MACF1: variants seen among roughly 807,000 people sequenced by gnomAD.
MACF1 encodes microtubule-actin cross-linking factor 1.
Under a neutral mutation model 854.8 loss-of-function variants are expected in MACF1, and 193 were observed. The ratio of observed to expected loss-of-function variants is 0.23; its 90% CI spans 0.20 to 0.25. The LOEUF is 0.25. Ranked by LOEUF, MACF1 falls within the 10% of genes least tolerant of loss-of-function variation. The pLI is 1.00. For missense variants in MACF1, 7,722 were observed against 8,929.1 expected, an observed-to-expected ratio of 0.86 and a Z score of 5.45; for synonymous variants, 3,185 against 3,226.7, an observed-to-expected ratio of 0.99 and a Z score of 0.44.
chr1:39,448,537 CA>C (rs1644273332), intron 83 of MACF1, 56 bp from the exon 84 acceptor site: 2 of 1,375,804 alleles, frequency 1.5e-6, no homozygotes, highest in Non-Finnish European at 1.9e-6. Flanking sequence ...TCTTTTGTTC[CA>C]AATCAAGATG....
At chr1:39,453,573 T>C (rs1644379732) in intron 87 of MACF1, 134 bp from the exon 88 acceptor site, 9 of 718,022 alleles carry the variant, frequency 1.3e-5, no homozygotes, top group Admixed American at 2.7e-5. Context: ...TAAATAACTA[T>C]ACAGGCTTTT....
rs560564182 is a variant in MACF1 at position 39,322,780 on chromosome 1, C to T, written c.4137+65C>T. 2.0e-5 allele frequency: 32 copies of T among 1,566,254 alleles called. No homozygotes were observed. In the African/African-American group the frequency reaches 4.1e-4, roughly 20 times the overall value. On this transcript the variant is annotated intron_variant, in intron 32 of 100. Coordinates refer to ENST00000564288, the MANE Select transcript of MACF1 (RefSeq NM_001394062.1). ...TTAAGGAAAGATTCATTTGCCTGGGCCTTACATTTTGATTTAGGGCTCACT... is the reference window on the plus strand; with the variant it reads ...TTAAGGAAAGATTCATTTGCCTGGGTCTTACATTTTGATTTAGGGCTCACT...
chr1:39,121,534 C>T (rs934447125), intron 2 of MACF1, among the ~76,000 whole-genome samples: 3 of 152,202 alleles, frequency 2.0e-5, no homozygotes, highest in Admixed American at 6.5e-5. Flanking sequence ...ACTACAACTT[C>T]GCCTCCCGGG....
At position 39,448,044 on chromosome 1, in the gene MACF1, T is replaced by G. The variant is rs772642702; in HGVS notation, c.19980T>G (p.Ala6660=). The part of the protein sequence containing the change: ...ARKRAKQFHE[A]WKKLIDWLED... ...TTATGTAATTTTAGTTCCATGAAGC[T>G]TGGAAAAAACTGATTGACTGGCTAG... Residue 6660 remains alanine (A), a synonymous_variant, in exon 83 of 101, where the codon GCT becomes GCG. Coordinates refer to ENST00000564288, the MANE Select transcript of MACF1 (RefSeq NM_001394062.1). 6.2e-6 allele frequency: 10 copies of G among 1,614,114 alleles called. No homozygotes were observed. The South Asian group carries it at 1.1e-4, about 18-fold the overall frequency.
At chr1:39,363,155 A>G (rs1648354321) in intron 49 of MACF1, among the ~76,000 whole-genome samples, 1 of 152,128 alleles carries the variant, frequency 6.6e-6, no homozygotes, top group Non-Finnish European at 1.5e-5. Context: ...TTCTTATATA[A>G]TTAGATTTGT....
intron 85 of MACF1, among the ~76,000 whole-genome samples, chr1:39,451,714 C>T (rs942945046): frequency 6.6e-6 from 1 of 152,116 alleles, no homozygotes; most frequent in African/African-American, 2.4e-5. Context: ...ATGTGCACAG[C>T]AGATGTTTTT....
chr1:39,271,930 G>A (rs1347909499), intron 6 of MACF1, among the ~76,000 whole-genome samples: 1 of 152,210 alleles, frequency 6.6e-6, no homozygotes, highest in African/African-American at 2.4e-5. Flanking sequence ...ATGATCTGTA[G>A]TGTGACCATA....
intron 49 of MACF1, among the ~76,000 whole-genome samples, chr1:39,364,834 A>G (rs1191263588): frequency 6.6e-6 from 1 of 152,070 alleles, no homozygotes; most frequent in Non-Finnish European, 1.5e-5. Context: ...TTTTATGAGT[A>G]TTTTATTAAA....
Position 39,283,567 on chromosome 1 carries a change from A to G in MACF1, c.915+52A>G. 1 of 1,303,624 alleles carries G rather than the reference A, an allele frequency of 7.7e-7. No homozygotes were observed. The highest frequency in any genetic ancestry group is 1.1e-6 in the Non-Finnish European group (1 of 899,094). 80.8% of individuals were successfully genotyped at this position (1,303,624 alleles called of 1,614,324 possible). On this transcript the variant is annotated intron_variant, in intron 9 of 100. Transcript: ENST00000564288. This position sits in a 1 kb window ranked among gnomAD's most constrained non-coding sequence, Gnocchi z 4.5. The stretch of plus-strand genomic sequence containing the variant: ...TTCTGACTTTGATTCATTTGGGTGA[A>G]ATGCATTGGTTAGACACTTTCTTAA...
In MACF1 at chr1:39,331,313, G is replaced by A. The variant is rs781088890; in HGVS notation, c.4725G>A (p.Leu1575=). The part of the protein sequence containing the change: ...LLDQDTGLVL[L]ESQVIMSGLI... ...ACCAAGACACAGGCCTAGTGCTTCT[G>A]GAATCTCAGGTTATCATGTCTGGCC... The change falls in exon 37 of 101, where the codon CTG becomes CTA. Residue 1575 remains leucine (L), a synonymous_variant. Coordinates refer to ENST00000564288, the MANE Select transcript of MACF1 (RefSeq NM_001394062.1). 2.5e-6 allele frequency: 4 copies of A among 1,613,562 alleles called. No homozygotes were observed. The highest frequency in any genetic ancestry group is 3.4e-6 in the Non-Finnish European group (4 of 1,179,972).
rs773056636 is a variant in MACF1 at position 39,334,588 on chromosome 1, C to G, written c.8000C>G (p.Ser2667Cys). 3.1e-6 allele frequency: 5 copies of G among 1,614,082 alleles called. No individual in the cohort carries two copies. The highest frequency in any genetic ancestry group is 4.2e-6 in the Non-Finnish European group (5 of 1,180,008). Residue 2667 changes from serine to cysteine, a missense_variant, in exon 37 of 101, where the codon TCT (serine) becomes TGT (cysteine). Coordinates refer to ENST00000564288, the MANE Select transcript of MACF1 (RefSeq NM_001394062.1). Reference sequence around the variant, plus strand: ...GTGAGCGACAAAGTGCTTACATTGTCTCAAGCAATTCAGCTTGGAAAAGTA... The same window carrying G: ...GTGAGCGACAAAGTGCTTACATTGTGTCAAGCAATTCAGCTTGGAAAAGTA... ...DGVSDKVLTL[S>C]QAIQLGKVDF... is the part of the protein sequence containing the mutation.
chr1:39,250,142 C>T, intron 3 of MACF1, 39 bp downstream of exon 3: 1 of 1,376,394 alleles, frequency 7.3e-7, no homozygotes, highest in Non-Finnish European at 1.0e-6. Context: ...AATTGTGGCC[C>T]TACAAATGAC....
intron 2 of MACF1, among the ~76,000 whole-genome samples, chr1:39,141,565 T>G (rs1643346456): frequency 6.6e-6 from 1 of 152,232 alleles, no homozygotes; most frequent in Non-Finnish European, 1.5e-5. Flanking sequence ...TATCATAGGA[T>G]TCTGACGGAG....
chr1:39,150,680 A>G (rs768431324), intron 2 of MACF1, among the ~76,000 whole-genome samples: 34 of 152,186 alleles, frequency 2.2e-4, no homozygotes, highest in Non-Finnish European at 4.4e-4. Flanking sequence ...TGTCAAGGTC[A>G]CCAGTCACCT....
At chr1:39,383,353 G>A (rs56960235) in intron 56 of MACF1, among the ~76,000 whole-genome samples, 3,188 of 152,004 alleles carry the variant, frequency 0.021, 117 homozygotes, top group African/African-American at 0.073. Flanking sequence ...TTTCTAATCC[G>A]GGATTTTCAA....
At chr1:39,455,706 G>A (rs903261765) in intron 89 of MACF1, among the ~76,000 whole-genome samples, 1 of 152,112 alleles carries the variant, frequency 6.6e-6, no homozygotes, top group African/African-American at 2.4e-5. Context: ...ATTTGAGCCA[G>A]GGTCCCACTG....
At chr1:39,273,453 C>T (rs1401055147) in intron 6 of MACF1, among the ~76,000 whole-genome samples, 1 of 152,096 alleles carries the variant, frequency 6.6e-6, no homozygotes, top group Admixed American at 6.5e-5. Flanking sequence ...GTATCCCTCT[C>T]CCAGTTTTCC....
At chr1:39,266,151 A>G (rs1645228940) in intron 6 of MACF1, among the ~76,000 whole-genome samples, 1 of 152,214 alleles carries the variant, frequency 6.6e-6, no homozygotes. Context: ...TTCTCAGAGA[A>G]ACTCTACAGC....
At chr1:39,357,341 T>G (rs1201609452) in intron 44 of MACF1, 34 bp from the exon 45 acceptor site, 1 of 1,596,022 alleles carries the variant, frequency 6.3e-7, no homozygotes, top group East Asian at 2.2e-5. Context: ...TGCCTACTGA[T>G]TGTCCTTTGT....
Sources: allele counts gnomAD v4.1 joint callset (sites outside exome capture counted in the v4.1 genomes callset), GRCh38; gene constraint gnomAD v4.1.1; non-coding constraint Gnocchi (gnomAD v3.1); transcripts MANE v1.5; gene names NCBI Gene and HGNC (gene_info 2026-07-23, HGNC 2026-07-21).